The following MCTP1 variants were observed in gnomAD, a reference collection of about 807,000 sequenced individuals.
MCTP1 encodes multiple C2 and transmembrane domain-containing protein 1.
MCTP1 carries 69 observed loss-of-function variants against 120.6 expected under a neutral mutation model. The ratio of observed to expected loss-of-function variants is 0.57; its 90% CI spans 0.47 to 0.70. The LOEUF is 0.70. Ranked by LOEUF, MCTP1 falls within the 30% of genes least tolerant of loss-of-function variation. The probability of loss-of-function intolerance (pLI) is 0.00; values close to 1 mark genes in which losing one functional copy is unlikely to be tolerated. For synonymous variants in MCTP1, 529 were observed against 493.1 expected (o/e 1.07, Z -0.96); for missense variants, 1,203 against 1,248.8 (o/e 0.96, Z 0.55).
chr5:95,007,065 G>A (rs1834907740), intron 2 of MCTP1, among the ~76,000 whole-genome samples: 1 of 152,116 alleles, frequency 6.6e-6, no homozygotes, highest in Admixed American at 6.6e-5. Context: ...CAATCATGGT[G>A]GAAGGGGAAG....
At chr5:95,054,348 T>C (rs1045985403) in intron 1 of MCTP1, among the ~76,000 whole-genome samples, 27 of 152,214 alleles carry the variant, frequency 1.8e-4, no homozygotes, top group African/African-American at 6.5e-4. Flanking sequence ...AAGATTACCT[T>C]CTTCAAAAAT....
intron 19 of MCTP1, among the ~76,000 whole-genome samples, chr5:94,758,501 T>C (rs1379887305): frequency 6.6e-6 from 1 of 152,088 alleles, no homozygotes; most frequent in African/African-American, 2.4e-5. Flanking sequence ...TTCATTTCTG[T>C]GCTGTGGGTA....
chr5:94,873,007 A>C, intron 13 of MCTP1, 132 bp downstream of exon 13: 1 of 630,328 alleles, frequency 1.6e-6, no homozygotes, highest in South Asian at 1.9e-5. Flanking sequence ...CATTGTTGTT[A>C]GCAAAGGCAG....
chr5:94,736,419 G>T (rs1371055495), intron 19 of MCTP1, among the ~76,000 whole-genome samples: 1 of 152,180 alleles, frequency 6.6e-6, no homozygotes, highest in African/African-American at 2.4e-5. Context: ...GGAGGTCGAG[G>T]CTGCAGTGAG....
chr5:94,764,709 C>T (rs1561595188), intron 19 of MCTP1, among the ~76,000 whole-genome samples: 1 of 150,942 alleles, frequency 6.6e-6, no homozygotes, highest in Non-Finnish European at 1.5e-5. Flanking sequence ...ATGCACCTAA[C>T]ACTGTAGCAC....
chr5:94,727,517 C>T lies in MCTP1; in HGVS notation c.2611-12631G>A, dbSNP rs553264152. 1.3e-4 allele frequency among the ~76,000 whole-genome samples: 20 copies of T among 152,222 alleles called. No homozygotes were observed. The South Asian group carries it at 2.3e-3, about 17-fold the overall frequency. ...ATTGCCAAGTTTCTGGAAATAATCG[C>T]CATTTAAATACTGGATAATATTTTT... On this transcript the variant is annotated intron_variant, in intron 19 of 22. Transcript: ENST00000515393.
chr5:95,278,603 T>C (rs2152742853), intron 1 of MCTP1, among the ~76,000 whole-genome samples: 1 of 152,224 alleles, frequency 6.6e-6, no homozygotes, highest in East Asian at 1.9e-4. Flanking sequence ...GGCAGGGAAA[T>C]ATGTGATTTT....
At chr5:95,225,921 C>T (rs1243926135) in intron 1 of MCTP1, among the ~76,000 whole-genome samples, 2 of 152,144 alleles carry the variant, frequency 1.3e-5, no homozygotes, top group Non-Finnish European at 2.9e-5. Flanking sequence ...ATAATTTGCT[C>T]TTAATTTTTT....
chr5:95,106,774 T>G (rs1240833159), intron 1 of MCTP1, among the ~76,000 whole-genome samples: 3 of 152,218 alleles, frequency 2.0e-5, no homozygotes, highest in Non-Finnish European at 4.4e-5. Context: ...GGCCACATGC[T>G]GTTTTGAAAG....
In MCTP1 at chr5:95,284,415, G is replaced by T. The variant is rs368437699; in HGVS notation, c.161C>A (p.Pro54Gln). The T allele has an allele frequency of 1.9e-6, 3 of 1,577,108 alleles. No homozygotes were observed. The highest frequency in any genetic ancestry group is 2.7e-5 in the African/African-American group (2 of 73,838). ...CACCGGGGGTGGCGGGGAGGGCGAC[G>T]GGGTGTCCGCAGTGCGGCGCTCTGG... ...GGPERRTADT[P>Q]SPSPPPPVGT... is the part of the protein sequence containing the mutation. Residue 54 changes from proline (P) to glutamine (Q), a missense_variant, in exon 1 of 23, where the codon CCG (proline) becomes CAG (glutamine). This residue lies in a region of MCTP1 where 463 missense variants were observed against 377.8 expected (regional missense o/e 1.23). Transcript: ENST00000515393. This position sits in a 1 kb window ranked among gnomAD's most constrained non-coding sequence, Gnocchi z 5.2.
intron 1 of MCTP1, among the ~76,000 whole-genome samples, chr5:95,127,490 G>A (rs537690790): frequency 1.1e-4 from 16 of 152,106 alleles, no homozygotes; most frequent in Non-Finnish European, 1.9e-4. Flanking sequence ...TCAGGGCAGT[G>A]GAGGTGGTGG....
chr5:94,873,144 G>A lies in MCTP1; in HGVS notation c.2031C>T (p.Phe677=). The change falls in exon 13 of 23, where the codon TTC becomes TTT. Residue 677 remains phenylalanine (F), a synonymous_variant. Coordinates refer to ENST00000515393, the MANE Select transcript of MCTP1 (RefSeq NM_024717.7). The part of the protein sequence containing the change: ...KNLNPEWNKV[F]TFNIKDIHSV... ...CCAAAGAAATGCCTACTTACAACGT[G>A]AAGACTTTATTCCACTCAGGATTGA... 1 of 1,573,906 alleles carries A rather than the reference G, an allele frequency of 6.4e-7. No individual in the cohort carries two copies. Among genetic ancestry groups the A allele is most frequent in the Non-Finnish European group, 8.7e-7 (1 of 1,144,584 alleles).
chr5:94,710,868 A>G lies in MCTP1; in HGVS notation c.2780T>C (p.Phe927Ser). The part of the protein sequence containing the change: ...SWLAIVALCV[F>S]TAILYCIPLR... ...CGGAATGCAGTACAGGATGGCTGTG[A>G]ACACACAGAGGGCTACAATGGCCAG... Residue 927 changes from phenylalanine (F) to serine (S), a missense_variant, in exon 21 of 23, where the codon TTC becomes TCC. This residue lies in a region of MCTP1 where 740 missense variants were observed against 871.1 expected (regional missense o/e 0.85). Coordinates refer to ENST00000515393, the MANE Select transcript of MCTP1 (RefSeq NM_024717.7). The G allele has an allele frequency of 6.2e-7, 1 of 1,613,102 alleles. No individual in the cohort carries two copies. The highest frequency in any genetic ancestry group is 1.1e-5 in the South Asian group (1 of 91,052).
At chr5:94,829,578 A>T (rs1225021677) in intron 17 of MCTP1, among the ~76,000 whole-genome samples, 1 of 152,140 alleles carries the variant, frequency 6.6e-6, no homozygotes, top group Non-Finnish European at 1.5e-5. Context: ...TCAGCTCCAC[A>T]TCATGGTCAG....
chr5:94,880,469 C>T (rs986968254), intron 12 of MCTP1, among the ~76,000 whole-genome samples: 1 of 152,118 alleles, frequency 6.6e-6, no homozygotes, highest in Non-Finnish European at 1.5e-5. Context: ...ATTTTAAATA[C>T]ATTTTTAAAA....
chr5:95,097,075 T>C (rs1756327077), intron 1 of MCTP1, among the ~76,000 whole-genome samples: 1 of 152,146 alleles, frequency 6.6e-6, no homozygotes, highest in African/African-American at 2.4e-5. Context: ...CCCCTGATTA[T>C]ATCAGCAATG....
intron 1 of MCTP1, among the ~76,000 whole-genome samples, chr5:95,076,087 C>T (rs1247771726): frequency 2.0e-5 from 3 of 152,166 alleles, no homozygotes; most frequent in Admixed American, 6.5e-5. Context: ...TTTTTCTATA[C>T]ATATATACCT....
chr5:94,764,541 T>C (rs914052304), intron 19 of MCTP1, among the ~76,000 whole-genome samples: 3 of 152,116 alleles, frequency 2.0e-5, no homozygotes, highest in Admixed American at 1.3e-4. Flanking sequence ...TGAAAAAAGA[T>C]ATTCCACACA....
chr5:95,085,766 C>CGATGCTG (rs1341221413), intron 1 of MCTP1, among the ~76,000 whole-genome samples: 1 of 151,998 alleles, frequency 6.6e-6, no homozygotes, highest in Non-Finnish European at 1.5e-5. Context: ...CAGAGATCCA[C>CGATGCTG]GATGCTGAAA....
Sources: allele counts gnomAD v4.1 joint callset (sites outside exome capture counted in the v4.1 genomes callset), GRCh38; gene constraint gnomAD v4.1.1; regional missense constraint gnomAD v4.1.1; non-coding constraint Gnocchi (gnomAD v3.1); transcripts MANE v1.5; gene names NCBI Gene and HGNC (gene_info 2026-07-23, HGNC 2026-07-21).